Variants in CCSER1 observed in about 807,000 individuals in gnomAD.
CCSER1 encodes the protein coiled-coil serine rich protein 1, also known as serine-rich coiled-coil domain-containing protein 1.
CCSER1 carries 41 observed loss-of-function variants against 82.0 expected under a neutral mutation model. That is an observed-to-expected ratio of 0.50 (90% confidence interval 0.39 to 0.65). The LOEUF is 0.65. Among genes scored for constraint, CCSER1 ranks in the 30% least tolerant of loss-of-function variants. The pLI is 0.00. For synonymous variants in CCSER1, 414 were observed against 383.9 expected, an observed-to-expected ratio of 1.08 and a Z score of -0.92; for missense variants, 1,119 against 1,064.2, an observed-to-expected ratio of 1.05 and a Z score of -0.72.
At chr4:91,026,815 G>T (rs913496152) in intron 9 of CCSER1, among the ~76,000 whole-genome samples, 14 of 152,066 alleles carry the variant, frequency 9.2e-5, no homozygotes, top group Admixed American at 2.6e-4. Context: ...CCATGTTTTT[G>T]CATCCCATTA....
At chr4:91,061,852 T>C (rs891075937) in intron 9 of CCSER1, among the ~76,000 whole-genome samples, 1 of 152,128 alleles carries the variant, frequency 6.6e-6, no homozygotes, top group Non-Finnish European at 1.5e-5. Flanking sequence ...GAACATGGTA[T>C]TTGATAATTA....
chr4:90,822,664 G>T (rs1037272989), intron 8 of CCSER1, among the ~76,000 whole-genome samples: 4 of 150,370 alleles, frequency 2.7e-5, no homozygotes, highest in Non-Finnish European at 5.9e-5. Flanking sequence ...GGAGGCGGAG[G>T]CTGCAGTGAG....
At chr4:90,583,599 C>T (rs1781661712) in intron 5 of CCSER1, among the ~76,000 whole-genome samples, 2 of 152,038 alleles carry the variant, frequency 1.3e-5, no homozygotes, top group African/African-American at 2.4e-5. Flanking sequence ...TAACCTATAT[C>T]TTGGTGACGA....
In CCSER1 at chr4:90,332,051, C is replaced by G. The variant is rs193246126; in HGVS notation, c.1509+19004C>G. 8.6e-5 allele frequency among the ~76,000 whole-genome samples: 13 copies of G among 152,046 alleles called. No individual in the cohort carries two copies. The East Asian group carries it at 2.5e-3, about 29-fold the overall frequency. On this transcript the variant is annotated intron_variant, in intron 3 of 10. Coordinates refer to ENST00000509176, the MANE Select transcript of CCSER1 (RefSeq NM_001145065.2). ...AAGCATTACTGAAAATAACAAAACT[C>G]AGTTGCATATTAATAGTATCAGACT...
At chr4:90,856,585 C>A (rs2149961874) in intron 8 of CCSER1, among the ~76,000 whole-genome samples, 1 of 152,160 alleles carries the variant, frequency 6.6e-6, no homozygotes, top group East Asian at 1.9e-4. Context: ...AAATAACCAT[C>A]TTCCCCGACG....
At chr4:91,184,071 C>G (rs1452818507) in intron 10 of CCSER1, among the ~76,000 whole-genome samples, 1 of 152,176 alleles carries the variant, frequency 6.6e-6, no homozygotes, top group African/African-American at 2.4e-5. Context: ...TTGTCAGGAG[C>G]TATAATTAAA....
intron 8 of CCSER1, among the ~76,000 whole-genome samples, chr4:90,872,954 C>A (rs776102007): frequency 2.0e-5 from 3 of 151,950 alleles, no homozygotes; most frequent in Non-Finnish European, 4.4e-5. Flanking sequence ...ATTGGAGCTT[C>A]TTTGTATGTT....
chr4:91,055,456 A>G (rs2148720106), intron 9 of CCSER1, among the ~76,000 whole-genome samples: 1 of 152,204 alleles, frequency 6.6e-6, no homozygotes, highest in Middle Eastern at 3.4e-3. Flanking sequence ...TCAGTATTTT[A>G]GCTATATCAT....
intron 9 of CCSER1, among the ~76,000 whole-genome samples, chr4:90,997,410 C>G (rs1737593525): frequency 6.6e-6 from 1 of 152,148 alleles, no homozygotes; most frequent in South Asian, 2.1e-4. Context: ...TTTGGATCCA[C>G]GTGGACAACC....
intron 6 of CCSER1, among the ~76,000 whole-genome samples, chr4:90,697,709 T>C (rs1406136971): frequency 6.6e-6 from 1 of 152,120 alleles, no homozygotes; most frequent in African/African-American, 2.4e-5. Context: ...AATAGTGACC[T>C]GAGATACTTT....
chr4:90,932,980 A>AAGAAAGAAAGAAAGAAAGAGAGAG (rs1730218042), intron 9 of CCSER1, among the ~76,000 whole-genome samples: 1 of 21,940 alleles, frequency 4.6e-5, no homozygotes, highest in Non-Finnish European at 8.5e-5. Flanking sequence ...GAAAGAAAGA[A>AAGAAAGAAAGAAAGAAAGAGAGAG]AGAGAAAGAA....
chr4:90,641,157 T>G (rs1726441110), intron 6 of CCSER1, among the ~76,000 whole-genome samples: 1 of 152,144 alleles, frequency 6.6e-6, no homozygotes, highest in African/African-American at 2.4e-5. Flanking sequence ...TAAAATATAT[T>G]TTATGTTAAT....
chr4:90,697,313 G>A (rs2095461607), intron 6 of CCSER1, among the ~76,000 whole-genome samples: 1 of 152,120 alleles, frequency 6.6e-6, no homozygotes, highest in South Asian at 2.1e-4. Flanking sequence ...GCGCAAGATT[G>A]TAAAGTTCAA....
chr4:91,514,766 T>G (rs991094632), intron 10 of CCSER1, among the ~76,000 whole-genome samples: 1 of 152,178 alleles, frequency 6.6e-6, no homozygotes, highest in African/African-American at 2.4e-5. Context: ...CTGAGAACCA[T>G]GAGAGCTGAT....
chr4:90,207,892 G>A (rs751071964), intron 1 of CCSER1, among the ~76,000 whole-genome samples: 6 of 152,260 alleles, frequency 3.9e-5, no homozygotes, highest in Non-Finnish European at 8.8e-5. Context: ...AGGGGCACCC[G>A]CCAGATGCCA....
chr4:90,316,217 A>AG (rs1736135988), intron 3 of CCSER1, among the ~76,000 whole-genome samples: 4 of 152,338 alleles, frequency 2.6e-5, no homozygotes, highest in South Asian at 4.1e-4. Context: ...GAAGATAAGC[A>AG]GGTTGCCTAA....
At chr4:90,297,101 A>G (rs908229836) in intron 1 of CCSER1, among the ~76,000 whole-genome samples, 4 of 151,934 alleles carry the variant, frequency 2.6e-5, no homozygotes, top group Non-Finnish European at 4.4e-5. Context: ...CCATTTTCAC[A>G]ATATTGATTC....
chr4:91,210,493 G>C (rs1348121474), intron 10 of CCSER1, among the ~76,000 whole-genome samples: 1 of 150,838 alleles, frequency 6.6e-6, no homozygotes, highest in African/African-American at 2.4e-5. Context: ...ACAATTGGAA[G>C]TGAGACAAAT....
At chr4:91,557,160 G>A (rs2110241108) in intron 10 of CCSER1, among the ~76,000 whole-genome samples, 1 of 151,464 alleles carries the variant, frequency 6.6e-6, no homozygotes, top group East Asian at 1.9e-4. Flanking sequence ...TAAGAATATT[G>A]TTCAAGGATA....
Sources: gnomAD v4.1 joint callset for allele counts (sites outside exome capture counted in the v4.1 genomes callset) on GRCh38, gnomAD v4.1.1 for gene constraint, MANE v1.5 for transcripts, NCBI Gene and HGNC (gene_info 2026-07-23, HGNC 2026-07-21) for gene names.